Variants in MTA3 observed in about 807,000 individuals in gnomAD.
MTA3 encodes metastasis-associated protein MTA3.
A neutral mutation model predicts 83.5 loss-of-function variants in MTA3; 34 were observed. The observed-to-expected ratio is 0.41, with a 90% CI of 0.31 to 0.54. The LOEUF (loss-of-function observed/expected upper bound fraction) is 0.54, where lower values mean the gene tolerates loss of function less well. Ranked by LOEUF, MTA3 falls within the 20% of genes least tolerant of loss-of-function variation. MTA3 has a pLI of 0.33. For synonymous variants in MTA3, 303 were observed against 252.7 expected (o/e 1.20, Z -1.89); for missense variants, 761 against 726.4 (o/e 1.05, Z -0.55).
At chr2:42,498,220 C>G (rs750920035) in intron 2 of MTA3, among the ~76,000 whole-genome samples, 14 of 152,158 alleles carry the variant, frequency 9.2e-5, no homozygotes, top group Non-Finnish European at 1.9e-4. Flanking sequence ...TCTGCCGAAT[C>G]AGTTGGTACT....
intron 4 of MTA3, among the ~76,000 whole-genome samples, chr2:42,629,513 C>CT (rs1434687510): frequency 6.6e-6 from 1 of 152,172 alleles, no homozygotes; most frequent in East Asian, 1.9e-4. Flanking sequence ...AGTCAGTACT[C>CT]TGAGACACCA....
At chr2:42,645,955 C>T (rs1688140979) in intron 6 of MTA3, among the ~76,000 whole-genome samples, 1 of 152,184 alleles carries the variant, frequency 6.6e-6, no homozygotes, top group African/African-American at 2.4e-5. Flanking sequence ...TAGCTAGAAG[C>T]TTCAAAGGAC....
At chr2:42,525,475 A>ATTTC (rs1675647025) in intron 2 of MTA3, among the ~76,000 whole-genome samples, 1 of 135,506 alleles carries the variant, frequency 7.4e-6, no homozygotes, top group Admixed American at 7.6e-5. Flanking sequence ...GCTAGGATCA[A>ATTTC]TTCCTTCCTT....
At chr2:42,690,940 G>A (rs995308302) in intron 9 of MTA3, among the ~76,000 whole-genome samples, 2 of 149,312 alleles carry the variant, frequency 1.3e-5, no homozygotes, top group South Asian at 2.1e-4. Flanking sequence ...GCAGTGGCGC[G>A]ATCTCTGCTT....
intron 2 of MTA3, among the ~76,000 whole-genome samples, chr2:42,560,148 G>A (rs1385149375): frequency 7.9e-5 from 12 of 152,038 alleles, no homozygotes; most frequent in Middle Eastern, 3.4e-3. Context: ...TCAGCCTTCT[G>A]AGCAGCTGGG....
chr2:42,576,084 T>C (rs1294605237), intron 2 of MTA3, among the ~76,000 whole-genome samples: 1 of 152,208 alleles, frequency 6.6e-6, no homozygotes, highest in African/African-American at 2.4e-5. Context: ...GCAAATATTA[T>C]TGAGTACCTG....
chr2:42,621,769 T>A (rs1195103231), intron 4 of MTA3, among the ~76,000 whole-genome samples: 6 of 149,918 alleles, frequency 4.0e-5, no homozygotes, highest in African/African-American at 1.5e-4. Flanking sequence ...GGCTCTTCAC[T>A]TCTCAGACGG....
At chr2:42,623,963 C>G (rs1464822816) in intron 4 of MTA3, among the ~76,000 whole-genome samples, 1 of 152,162 alleles carries the variant, frequency 6.6e-6, no homozygotes, top group African/African-American at 2.4e-5. Flanking sequence ...ATCCACCCAC[C>G]TCGGCCTCCC....
chr2:42,721,330 C>CTTTTTT (rs773375150), intron 15 of MTA3, among the ~76,000 whole-genome samples: 5 of 138,182 alleles, frequency 3.6e-5, no homozygotes, highest in East Asian at 2.1e-4. Context: ...TTTTCTTTTT[C>CTTTTTT]TTTTTTTTTT....
intron 1 of MTA3, 64 bp from the exon 2 acceptor site, chr2:42,570,373 C>A: frequency 9.6e-7 from 1 of 1,042,828 alleles, no homozygotes; most frequent in Non-Finnish European, 1.4e-6. Context: ...CATAAAAAGT[C>A]TTGGATTGAC....
intron 15 of MTA3, among the ~76,000 whole-genome samples, chr2:42,720,951 C>CAAAAAAAAAAA (rs377702701): frequency 2.6e-4 from 18 of 69,548 alleles, no homozygotes; most frequent in Non-Finnish European, 3.3e-4. Context: ...GACCCTGTCT[C>CAAAAAAAAAAA]AAAAAAAAAA....
chr2:42,588,261 A>G (rs1053877669), intron 3 of MTA3, among the ~76,000 whole-genome samples: 3 of 152,306 alleles, frequency 2.0e-5, no homozygotes, highest in South Asian at 2.1e-4. Flanking sequence ...AAATTTTTAC[A>G]TGTAAGTAAG....
At chr2:42,623,851 C>T (rs1053216964) in intron 4 of MTA3, among the ~76,000 whole-genome samples, 21 of 152,108 alleles carry the variant, frequency 1.4e-4, no homozygotes, top group South Asian at 8.3e-4. Flanking sequence ...CCACTACACC[C>T]GGCTAATTTT....
intron 2 of MTA3, among the ~76,000 whole-genome samples, chr2:42,523,338 A>T (rs1356554906): frequency 6.6e-6 from 1 of 152,122 alleles, no homozygotes; most frequent in East Asian, 1.9e-4. Flanking sequence ...CCAAGTACTA[A>T]GTCCTCATGA....
chr2:42,675,966 A>C (rs535497218), intron 8 of MTA3, among the ~76,000 whole-genome samples: 234 of 152,352 alleles, frequency 1.5e-3, no homozygotes, highest in Non-Finnish European at 2.8e-3. Flanking sequence ...TCAGTTTCAA[A>C]GGAATTATTT....
At chr2:42,503,957 CTT>C (rs889099502) in intron 2 of MTA3, among the ~76,000 whole-genome samples, 5 of 142,738 alleles carry the variant, frequency 3.5e-5, no homozygotes, top group Non-Finnish European at 6.1e-5. Context: ...GAGTTTCCCT[CTT>C]GTCACCCAGG....
intron 16 of MTA3, among the ~76,000 whole-genome samples, chr2:42,739,124 C>T (rs1035557838): frequency 1.3e-5 from 2 of 152,088 alleles, no homozygotes; most frequent in Non-Finnish European, 2.9e-5. Context: ...TTTGAAAATC[C>T]CTAATAAAAA....
At chr2:42,709,173 TTTG>T in intron 14 of MTA3, 77 bp downstream of exon 14, 11 of 1,491,066 alleles carry the variant, frequency 7.4e-6, no homozygotes, top group South Asian at 5.5e-5. Context: ...TCCTTTTTTT[TTTG>T]TTTGTTTGTT....
chr2:42,525,049 C>T (rs1675622775), intron 2 of MTA3, among the ~76,000 whole-genome samples: 1 of 151,018 alleles, frequency 6.6e-6, no homozygotes, highest in African/African-American at 2.4e-5. Context: ...TGTTGGTGTG[C>T]TGCACCCATT....
Sources: gnomAD v4.1 joint callset for allele counts (sites outside exome capture counted in the v4.1 genomes callset) on GRCh38, gnomAD v4.1.1 for gene constraint, MANE v1.5 for transcripts, NCBI Gene and HGNC (gene_info 2026-07-23, HGNC 2026-07-21) for gene names.